Variants in PACRGL observed in about 807,000 individuals in gnomAD.
PACRGL encodes the protein parkin coregulated like.
PACRGL carries 38 observed loss-of-function variants against 34.5 expected under a neutral mutation model. The observed-to-expected ratio is 1.10, with a 90% CI of 0.85 to 1.44. The LOEUF is 1.44. PACRGL is among the 40% of genes most tolerant of loss of function. The pLI is 0.00. For synonymous variants in PACRGL, 128 were observed against 100.1 expected, an observed-to-expected ratio of 1.28 and a Z score of -1.66; for missense variants, 305 against 281.4, an observed-to-expected ratio of 1.08 and a Z score of -0.60.
intron 8 of PACRGL, among the ~76,000 whole-genome samples, chr4:20,743,599 C>T (rs1212602886): frequency 6.6e-6 from 1 of 152,180 alleles, no homozygotes; most frequent in African/African-American, 2.4e-5. Context: ...CCCTTCCTTA[C>T]ACTTTATACA....
At chr4:20,717,262 A>T (rs1015075109) in intron 7 of PACRGL, among the ~76,000 whole-genome samples, 2 of 151,824 alleles carry the variant, frequency 1.3e-5, no homozygotes, top group South Asian at 4.2e-4. Context: ...GATTGCAAAA[A>T]TTTTTTCCCA....
At chr4:20,732,603 A>T (rs548701415), downstream of PACRGL, 109 of 863,450 alleles carry the variant, frequency 1.3e-4, no homozygotes, top group African/African-American at 1.7e-3. Flanking sequence ...CTCTCTTTTG[A>T]ATCATCGTGG....
At chr4:20,716,036 G>C in intron 7 of PACRGL, 1 of 1,412,486 alleles carries the variant, frequency 7.1e-7, no homozygotes, top group Non-Finnish European at 9.4e-7. Flanking sequence ...TAGTGAATCT[G>C]TAAATTGCAT....
chr4:20,722,869 C>T (rs999290146), intron 7 of PACRGL, among the ~76,000 whole-genome samples: 6 of 152,152 alleles, frequency 3.9e-5, no homozygotes, highest in Admixed American at 2.6e-4. Flanking sequence ...GATAGGACCT[C>T]CCTGTCTGCA....
chr4:20,708,855 C>T (rs1037610672), intron 4 of PACRGL, among the ~76,000 whole-genome samples: 3 of 151,848 alleles, frequency 2.0e-5, no homozygotes, highest in Non-Finnish European at 2.9e-5. Flanking sequence ...GTTAGTTATT[C>T]CTCAGTAAAG....
chr4:20,736,021 T>C (rs756560965), downstream of PACRGL, among the ~76,000 whole-genome samples: 1 of 152,218 alleles, frequency 6.6e-6, no homozygotes, highest in Non-Finnish European at 1.5e-5. Flanking sequence ...TTTCTCAAAA[T>C]GTTTTTTCTT....
rs891062700 is a variant in PACRGL, at chr4:20,731,869, T to C, written c.*4528T>C. On this transcript the variant is annotated 3_prime_UTR_variant, in exon 9 of 9. Transcript: ENST00000503585. ...GTGCTTGTTTTCAGAGTGGTAGGCT[T>C]ATGCTGCATGTTGTAGAAGTGGTAA... 4 of 1,439,994 alleles carry C rather than the reference T, an allele frequency of 2.8e-6. No homozygotes were observed. The Admixed American group carries it at 1.1e-4, about 39-fold the overall frequency. The allele number at this position is 1,439,994 out of a possible 1,614,324, so 89.2% of individuals were successfully genotyped here. A position where few individuals can be genotyped will look rare whatever the true frequency, so the allele number is the denominator to read the frequency against.
intron 8 of PACRGL, among the ~76,000 whole-genome samples, chr4:20,751,700 GAAA>G (rs1467811285): frequency 6.6e-6 from 1 of 151,952 alleles, no homozygotes; most frequent in African/African-American, 2.4e-5. Flanking sequence ...TAATCAAAAA[GAAA>G]AAAGATAACA....
chr4:20,726,018 G>A (rs1184379679), intron 8 of PACRGL, among the ~76,000 whole-genome samples: 1 of 152,058 alleles, frequency 6.6e-6, no homozygotes, highest in Non-Finnish European at 1.5e-5. Flanking sequence ...TCTGTGGAGT[G>A]GAAGTGAACA....
At chr4:20,740,650 G>C (rs1750839638) in intron 8 of PACRGL, among the ~76,000 whole-genome samples, 1 of 152,168 alleles carries the variant, frequency 6.6e-6, no homozygotes, top group Non-Finnish European at 1.5e-5. Flanking sequence ...TCAAGGCTAG[G>C]AAGAAACTGC....
At chr4:20,727,233 T>C in intron 8 of PACRGL, 52 bp from the exon 9 acceptor site, 2 of 1,461,698 alleles carry the variant, frequency 1.4e-6, no homozygotes, top group Non-Finnish European at 1.9e-6. Flanking sequence ...ATAATACCTA[T>C]TAGGGGAACT....
chr4:20,706,608 G>T (rs1183704083), intron 3 of PACRGL, among the ~76,000 whole-genome samples: 3 of 150,126 alleles, frequency 2.0e-5, no homozygotes, highest in Admixed American at 1.3e-4. Flanking sequence ...ACGGAATCTC[G>T]CTCCGTCGCC....
intron 8 of PACRGL, among the ~76,000 whole-genome samples, chr4:20,725,408 TTTAA>T (rs1267654088): frequency 6.6e-6 from 1 of 151,916 alleles, no homozygotes; most frequent in East Asian, 1.9e-4. Context: ...GCTGGAATAG[TTTAA>T]TTGGTTATTC....
At chr4:20,757,957 T>C in the PACRGL span, among the ~76,000 whole-genome samples, 1 of 152,180 alleles carries the variant, frequency 6.6e-6, no homozygotes. Context: ...CAGAATATTA[T>C]TTTTTAACTC....
At chr4:20,712,616 T>C in intron 5 of PACRGL, 172 bp from the exon 6 acceptor site, 1 of 596,220 alleles carries the variant, frequency 1.7e-6, no homozygotes, top group East Asian at 3.4e-5. Flanking sequence ...AGGGACCCTT[T>C]GTCCCACAGT....
downstream of PACRGL, among the ~76,000 whole-genome samples, chr4:20,753,718 C>T (rs979217008): frequency 6.6e-6 from 1 of 151,392 alleles, no homozygotes; most frequent in Non-Finnish European, 1.5e-5. Context: ...TCAATAAGCC[C>T]TCTGTAAATC....
chr4:20,734,531 C>CA, downstream of PACRGL: 3 of 606,108 alleles, frequency 4.9e-6, no homozygotes, highest in Non-Finnish European at 8.2e-6. Context: ...GGAATTTCCT[C>CA]AAAAAAACTT....
rs771542304 is a variant in PACRGL, at chr4:20,746,735, C to T, written c.*57-5830C>T. Among the ~76,000 whole-genome samples, 7 of 152,210 alleles carry T rather than the reference C, an allele frequency of 4.6e-5. 1 individual carries two copies. The highest frequency in any genetic ancestry group is 1.4e-4 in the African/African-American group (6 of 41,544). ...AGTACTCAGCCTAGGGTCTCAGAGC[C>T]GCTGGGTGGCAAAATGGAGATTAGA... On this transcript the variant is annotated intron_variant, in intron 8 of 8. Coordinates refer to the PACRGL transcript ENST00000507634.
chr4:20,732,806 A>G, downstream of PACRGL: 1 of 1,395,178 alleles, frequency 7.2e-7, no homozygotes, highest in Non-Finnish European at 1.0e-6. Context: ...AAAGGCACTC[A>G]CGTGAGGCTG....
Sources: allele counts gnomAD v4.1 joint callset (sites outside exome capture counted in the v4.1 genomes callset), GRCh38; gene constraint gnomAD v4.1.1; transcripts MANE v1.5; gene names NCBI Gene and HGNC (gene_info 2026-07-23, HGNC 2026-07-21).